Variants in SPICE1 observed in about 807,000 individuals in gnomAD.
The protein encoded by SPICE1 is spindle and centriole-associated protein 1.
Under a neutral mutation model 102.7 loss-of-function variants are expected in SPICE1, and 75 were observed. The observed-to-expected ratio is 0.73, with a 90% CI of 0.61 to 0.88. The LOEUF (loss-of-function observed/expected upper bound fraction) is 0.88, where lower values mean the gene tolerates loss of function less well. Among genes scored for constraint, SPICE1 ranks in the 40% least tolerant of loss-of-function variants. SPICE1 has a pLI of 0.00. For synonymous variants in SPICE1, 308 were observed against 350.3 expected, an observed-to-expected ratio of 0.88 and a Z score of 1.35; for missense variants, 979 against 1,020.1, an observed-to-expected ratio of 0.96 and a Z score of 0.55.
At position 113,460,674 on chromosome 3, in the gene SPICE1, G is replaced by C; in HGVS notation, c.1378C>G (p.Gln460Glu). Residue 460 changes from glutamine to glutamate, a missense_variant, in exon 12 of 18, where the codon CAA (glutamine) becomes GAA (glutamate). By Grantham distance (29) the Gln-to-Glu change is conservative. Transcript: ENST00000295872. Reference sequence around the variant, plus strand: ...CCGCTTTCTGATGCCTGAATTTCTTGTCTGTTATTTATCACAGGACAGTTC... The same window carrying C: ...CCGCTTTCTGATGCCTGAATTTCTTCTCTGTTATTTATCACAGGACAGTTC... ...IKNCPVINNR[Q>E]EIQASESGAT... The C allele has an allele frequency of 3.7e-6, 6 of 1,613,680 alleles. No individual in the cohort carries two copies. Among genetic ancestry groups the C allele is most frequent in the Non-Finnish European group, 5.1e-6 (6 of 1,179,846 alleles).
intron 10 of SPICE1, among the ~76,000 whole-genome samples, chr3:113,467,727 A>C (rs1936093849): frequency 6.6e-6 from 1 of 152,238 alleles, no homozygotes; most frequent in South Asian, 2.1e-4. Context: ...CCACATATCA[A>C]GTCTACCGAT....
intron 1 of SPICE1, among the ~76,000 whole-genome samples, chr3:113,511,841 A>G (rs966104892): frequency 1.3e-5 from 2 of 152,186 alleles, no homozygotes; most frequent in East Asian, 3.8e-4. Flanking sequence ...GAAAGTATAT[A>G]GCTCAAAGTT....
At chr3:113,468,064 T>G (rs112118766) in intron 10 of SPICE1, 75 bp downstream of exon 10, 5 of 1,532,366 alleles carry the variant, frequency 3.3e-6, no homozygotes, top group Non-Finnish European at 4.4e-6. Flanking sequence ...ATTTGGAGGT[T>G]GCAATAAATG....
Position 113,499,427 on chromosome 3 carries a change from G to C in SPICE1, c.291+12C>G, listed in dbSNP as rs1397431841. 1 of 1,607,952 alleles carries C rather than the reference G, an allele frequency of 6.2e-7. No homozygotes were observed. The highest frequency in any genetic ancestry group is 1.3e-5 in the African/African-American group (1 of 74,420). ...TTTTTTTCTTTCTAACTCTAATGCA[G>C]TTTAGCATTACCTCCTTCATGATAG... On this transcript the variant is annotated intron_variant, in intron 4 of 17. Coordinates refer to ENST00000295872, the MANE Select transcript of SPICE1 (RefSeq NM_144718.4).
At chr3:113,476,479 C>T (rs891045148) in intron 7 of SPICE1, among the ~76,000 whole-genome samples, 7 of 148,086 alleles carry the variant, frequency 4.7e-5, no homozygotes, top group African/African-American at 1.6e-4. Context: ...ATCACCAAGT[C>T]AATCCTAAGC....
chr3:113,478,274 G>A (rs1321414747), intron 7 of SPICE1, among the ~76,000 whole-genome samples: 2 of 152,014 alleles, frequency 1.3e-5, no homozygotes, highest in Non-Finnish European at 2.9e-5. Context: ...TGTCTAACAA[G>A]GCAAGACTGA....
intron 7 of SPICE1, among the ~76,000 whole-genome samples, chr3:113,481,175 T>C (rs1044860793): frequency 8.5e-5 from 13 of 152,140 alleles, no homozygotes; most frequent in Non-Finnish European, 8.8e-5. Context: ...GTGCTAAAAC[T>C]AATTCAACCA....
At chr3:113,487,097 T>C (rs1425028585) in intron 7 of SPICE1, among the ~76,000 whole-genome samples, 1 of 152,090 alleles carries the variant, frequency 6.6e-6, no homozygotes, top group Non-Finnish European at 1.5e-5. Context: ...AACCTAATTA[T>C]ATTTCAAATG....
chr3:113,497,847 C>T (rs1936929058), intron 4 of SPICE1, among the ~76,000 whole-genome samples: 2 of 150,582 alleles, frequency 1.3e-5, no homozygotes, highest in African/African-American at 4.9e-5. Flanking sequence ...GGACTACAGG[C>T]ACCTGCCACT....
chr3:113,447,561 G>T (rs936975967), intron 16 of SPICE1, among the ~76,000 whole-genome samples: 1 of 152,180 alleles, frequency 6.6e-6, no homozygotes, highest in Non-Finnish European at 1.5e-5. Context: ...GGTCCAGGTA[G>T]TAGAAGAGTA....
At chr3:113,470,456 A>G (rs1423013654) in intron 7 of SPICE1, among the ~76,000 whole-genome samples, 1 of 152,258 alleles carries the variant, frequency 6.6e-6, no homozygotes, top group Non-Finnish European at 1.5e-5. Flanking sequence ...GGAGTAGATG[A>G]CCATGACATA....
Position 113,514,907 on chromosome 3 carries a change from A to C in SPICE1, c.-11T>G. On this transcript the variant is annotated 5_prime_UTR_variant, in exon 1 of 18. Transcript: ENST00000295872. ...CACCCTGACACGTACTTGCACTCTC[A>C]AAACACAGAGCCGCGGCTGCGCTTC... 9 of 1,162,090 alleles carry C rather than the reference A, an allele frequency of 7.7e-6. No individual in the cohort carries two copies. The highest frequency in any genetic ancestry group is 9.8e-6 in the Non-Finnish European group (9 of 921,672). 72.0% of individuals were successfully genotyped at this position (1,162,090 alleles called of 1,614,324 possible). A position where few individuals can be genotyped will look rare whatever the true frequency, so the allele number is the denominator to read the frequency against.
chr3:113,485,158 G>T (rs1936614503), intron 7 of SPICE1, among the ~76,000 whole-genome samples: 1 of 151,370 alleles, frequency 6.6e-6, no homozygotes, highest in African/African-American at 2.4e-5. Context: ...CACCAAACTA[G>T]CTGCAGGAGT....
At chr3:113,485,386 C>T (rs1483012478) in intron 7 of SPICE1, among the ~76,000 whole-genome samples, 1 of 152,054 alleles carries the variant, frequency 6.6e-6, no homozygotes, top group African/African-American at 2.4e-5. Context: ...GACGCTCGAG[C>T]TTGGTGGGGG....
chr3:113,504,391 C>T (rs897257194), intron 2 of SPICE1, among the ~76,000 whole-genome samples: 2 of 151,996 alleles, frequency 1.3e-5, no homozygotes, highest in Admixed American at 6.6e-5. Flanking sequence ...TGGCTCAAGG[C>T]TTTTCTGTAT....
chr3:113,452,599 G>C (rs60173065), intron 14 of SPICE1, among the ~76,000 whole-genome samples: 1,902 of 150,976 alleles, frequency 0.013, 33 homozygotes, highest in African/African-American at 0.036. Flanking sequence ...CAGCAGAATC[G>C]CTTGAACCCA....
chr3:113,508,281 G>A (rs1024264889), intron 1 of SPICE1, among the ~76,000 whole-genome samples: 21 of 152,038 alleles, frequency 1.4e-4, no homozygotes, highest in Admixed American at 4.6e-4. Flanking sequence ...TAAATTGGAC[G>A]TAATCAAAAT....
intron 4 of SPICE1, among the ~76,000 whole-genome samples, chr3:113,494,365 T>C (rs949796243): frequency 1.3e-5 from 2 of 152,058 alleles, no homozygotes; most frequent in African/African-American, 4.8e-5. Context: ...TATTCACAAT[T>C]GGCCGGGCGC....
chr3:113,456,464 A>C (rs981279891), intron 13 of SPICE1, among the ~76,000 whole-genome samples: 1 of 152,160 alleles, frequency 6.6e-6, no homozygotes, highest in Non-Finnish European at 1.5e-5. Flanking sequence ...GCTCCAGAAA[A>C]AATGTACATG....
Sources: allele counts gnomAD v4.1 joint callset (sites outside exome capture counted in the v4.1 genomes callset), GRCh38; gene constraint gnomAD v4.1.1; transcripts MANE v1.5; gene names NCBI Gene and HGNC (gene_info 2026-07-23, HGNC 2026-07-21).